NFS1: variants seen among roughly 807,000 people sequenced by gnomAD.
NFS1 encodes the protein cysteine desulfurase.
In NFS1, 26 loss-of-function variants were observed where a neutral mutation model predicts 57.3. The ratio of observed to expected loss-of-function variants is 0.45; its 90% confidence interval spans 0.33 to 0.63. NFS1 has a LOEUF of 0.63. NFS1 is among the 20% of genes least tolerant of loss of function. NFS1 has a pLI of 0.02. For synonymous variants in NFS1, 209 were observed against 216.3 expected, an observed-to-expected ratio of 0.97 and a Z score of 0.30; for missense variants, 505 against 605.8, an observed-to-expected ratio of 0.83 and a Z score of 1.75.
At chr20:35,685,865 CAA>C (rs72491026) in intron 5 of NFS1, among the ~76,000 whole-genome samples, 35 of 66,548 alleles carry the variant, frequency 5.3e-4, no homozygotes, top group Non-Finnish European at 8.9e-4. Flanking sequence ...TACCCCCCCG[CAA>C]AAAAAAAAAA....
At chr20:35,688,325 C>T (rs186127962) in intron 5 of NFS1, among the ~76,000 whole-genome samples, 5 of 151,418 alleles carry the variant, frequency 3.3e-5, no homozygotes, top group Admixed American at 1.3e-4. Context: ...GGGGCCAAGA[C>T]GGGTGGATCA....
chr20:35,685,865 C>CA (rs72491026), intron 5 of NFS1, among the ~76,000 whole-genome samples: 3,255 of 66,492 alleles, frequency 0.049, 120 homozygotes, highest in African/African-American at 0.14. Flanking sequence ...TACCCCCCCG[C>CA]AAAAAAAAAA....
At chr20:35,673,549 T>A in intron 11 of NFS1, 52 bp downstream of exon 11, 2 of 1,488,232 alleles carry the variant, frequency 1.3e-6, no homozygotes, top group Non-Finnish European at 1.9e-6. Context: ...TAACAGGAGA[T>A]GAAAAATATA....
At chr20:35,675,527 G>A (rs2034725356) in intron 7 of NFS1, 1 of 309,172 alleles carries the variant, frequency 3.2e-6, no homozygotes, top group Non-Finnish European at 6.0e-6. Context: ...CCATCATCAG[G>A]GTAATGGTCA....
rs570720675 is a variant in NFS1, at chr20:35,699,037, G to T, written c.97+155C>A. ...TGGTGCGCCGGGGTCAACCGTTCGG[G>T]GACCCGCCTAAGAAAGTTTGAGGGA... is the stretch of plus-strand genomic sequence containing the variant. On this transcript the variant is annotated intron_variant, in intron 1 of 12. Coordinates refer to ENST00000374092, the MANE Select transcript of NFS1 (RefSeq NM_021100.5). This position sits in a 1 kb window ranked among gnomAD's most constrained non-coding sequence, Gnocchi z 4.4. 2.5e-5 allele frequency: 33 copies of T among 1,321,170 alleles called. No individual in the cohort carries two copies. Among genetic ancestry groups the T allele is most frequent in the Non-Finnish European group, 3.1e-5 (32 of 1,038,472 alleles). The allele number at this position is 1,321,170 out of a possible 1,614,324, so 81.8% of individuals were successfully genotyped here.
chr20:35,689,589 A>G (rs180684518), intron 5 of NFS1, among the ~76,000 whole-genome samples: 161 of 151,872 alleles, frequency 1.1e-3, no homozygotes, highest in African/African-American at 3.7e-3. Flanking sequence ...TAACATGGTG[A>G]AACCCCGTCT....
At chr20:35,674,276 C>T in intron 10 of NFS1, 74 bp downstream of exon 10, 1 of 1,177,594 alleles carries the variant, frequency 8.5e-7, no homozygotes, top group Non-Finnish European at 1.3e-6. Context: ...CATCTCCACA[C>T]TGGGAAGTTT....
At chr20:35,673,561 G>A (rs1472436114) in intron 11 of NFS1, 40 bp downstream of exon 11, 4 of 1,536,372 alleles carry the variant, frequency 2.6e-6, no homozygotes, top group African/African-American at 2.7e-5. Flanking sequence ...AAAAATATAA[G>A]AGGATGCCTT....
At chr20:35,673,816 G>T in intron 10 of NFS1, 132 bp from the exon 11 acceptor site, 1 of 643,424 alleles carries the variant, frequency 1.6e-6, no homozygotes, top group Non-Finnish European at 2.7e-6. Context: ...CTTCTAATCT[G>T]GCAGAACTAA....
At chr20:35,679,638 T>C (rs1399515575) in intron 7 of NFS1, among the ~76,000 whole-genome samples, 2 of 152,168 alleles carry the variant, frequency 1.3e-5, no homozygotes, top group Non-Finnish European at 2.9e-5. Flanking sequence ...CTTACTGGGC[T>C]TTTTGAAATA....
In NFS1 at chr20:35,674,450, G is replaced by A; in HGVS notation, c.1055-19C>T. ...ATACAGCCTGGAGGAAAGAAATACT[G>A]TGAGAGAGGTCTCAGAGTCTCAGCC... On this transcript the variant is annotated intron_variant, in intron 9 of 12. Transcript: ENST00000374092. The A allele has an allele frequency of 6.2e-7, 1 of 1,608,864 alleles. No homozygotes were observed. Among genetic ancestry groups the A allele is most frequent in the Non-Finnish European group, 8.5e-7 (1 of 1,175,168 alleles).
At chr20:35,673,246 C>G (rs1447681407) in intron 11 of NFS1, among the ~76,000 whole-genome samples, 2 of 151,982 alleles carry the variant, frequency 1.3e-5, no homozygotes, top group Admixed American at 6.6e-5. Context: ...TGAGATCATG[C>G]CACTGCACTC....
chr20:35,674,883 A>G lies in NFS1; in HGVS notation c.948+162T>C, dbSNP rs549744845. 66 of 930,106 alleles carry G rather than the reference A, an allele frequency of 7.1e-5. No homozygotes were observed. The African/African-American group carries it at 1.1e-3, about 15-fold the overall frequency. The allele number at this position is 930,106 out of a possible 1,614,324, so 57.6% of individuals were successfully genotyped here. ...AAAGGCCATGGGTTTTGAAGCCCAT[A>G]ATGTCTCCCTCAGAACAAGGTGCCA... is the stretch of plus-strand genomic sequence containing the variant. On this transcript the variant is annotated intron_variant, in intron 8 of 12. Coordinates refer to ENST00000374092, the MANE Select transcript of NFS1 (RefSeq NM_021100.5).
At chr20:35,695,829 C>T (rs1361830706) in intron 4 of NFS1, among the ~76,000 whole-genome samples, 1 of 152,024 alleles carries the variant, frequency 6.6e-6, no homozygotes, top group Non-Finnish European at 1.5e-5. Flanking sequence ...ATCATCAGGT[C>T]AAGAGATTGA....
intron 7 of NFS1, among the ~76,000 whole-genome samples, chr20:35,678,044 T>C (rs1269029884): frequency 6.6e-6 from 1 of 151,854 alleles, no homozygotes; most frequent in Non-Finnish European, 1.5e-5. Context: ...TGAAACCCTG[T>C]CTCTACTAAA....
Position 35,699,155 on chromosome 20 carries a change from A to G in NFS1, c.97+37T>C. The stretch of plus-strand genomic sequence containing the variant: ...AGTTGCGTCGCCGCGCGGAGGGGAC[A>G]GGTCCGCGCCTCCCGGAGAGCGGGA... On this transcript the variant is annotated intron_variant, in intron 1 of 12. Transcript: ENST00000374092. This position sits in a 1 kb window ranked among gnomAD's most constrained non-coding sequence, Gnocchi z 4.4. 7.2e-7 allele frequency: 1 copy of G among 1,383,778 alleles called. No individual in the cohort carries two copies. Among genetic ancestry groups the G allele is most frequent in the Non-Finnish European group, 9.3e-7 (1 of 1,077,572 alleles). 85.7% of individuals were successfully genotyped at this position (1,383,778 alleles called of 1,614,324 possible).
At chr20:35,691,860 C>T (rs532393428) in intron 4 of NFS1, among the ~76,000 whole-genome samples, 38 of 150,776 alleles carry the variant, frequency 2.5e-4, no homozygotes, top group Non-Finnish European at 4.7e-4. Flanking sequence ...ACCAGCCTGA[C>T]GAACATGGTG....
chr20:35,698,016 G>A (rs1326328219), intron 2 of NFS1, among the ~76,000 whole-genome samples: 7 of 152,054 alleles, frequency 4.6e-5, no homozygotes, highest in African/African-American at 7.3e-5. Context: ...GGATTGTTCT[G>A]CCTCCCCTCA....
intron 7 of NFS1, among the ~76,000 whole-genome samples, chr20:35,676,749 A>G (rs573075053): frequency 5.2e-4 from 74 of 141,132 alleles, no homozygotes; most frequent in African/African-American, 1.9e-3. Context: ...CAATAACCAG[A>G]GAAAATCAGA....
Sources: allele counts gnomAD v4.1 joint callset (sites outside exome capture counted in the v4.1 genomes callset), GRCh38; gene constraint gnomAD v4.1.1; non-coding constraint Gnocchi (gnomAD v3.1); transcripts MANE v1.5; gene names NCBI Gene and HGNC (gene_info 2026-07-23, HGNC 2026-07-21).